Variants in PKD2L2 observed in about 807,000 individuals in gnomAD.
The protein encoded by PKD2L2 is polycystin-2-like protein 2.
Under a neutral mutation model 83.9 loss-of-function variants are expected in PKD2L2, and 67 were observed. The ratio of observed to expected loss-of-function variants is 0.80; its 90% CI spans 0.66 to 0.98. The LOEUF (loss-of-function observed/expected upper bound fraction) is 0.98. Among genes scored for constraint, PKD2L2 ranks in the 50% least tolerant of loss-of-function variants. The pLI is 0.00. For synonymous variants in PKD2L2, 223 were observed against 237.8 expected (o/e 0.94, Z 0.57); for missense variants, 632 against 717.2 (o/e 0.88, Z 1.36).
At chr5:137,938,058 T>G (rs933375330) in intron 14 of PKD2L2, 5 of 152,222 alleles carry the variant, frequency 3.3e-5, no homozygotes, top group Admixed American at 1.3e-4. Context: ...TATATATTAT[T>G]TGTATATAGA....
In PKD2L2 at chr5:137,925,941, A is replaced by C. The variant is rs1759342800; in HGVS notation, c.1671+12A>C. The C allele has an allele frequency of 6.5e-7, 1 of 1,543,454 alleles. No individual in the cohort carries two copies. Among genetic ancestry groups the C allele is most frequent in the African/African-American group, 1.4e-5 (1 of 73,718 alleles). On this transcript the variant is annotated intron_variant, in intron 12 of 14. Coordinates refer to ENST00000508883, the MANE Select transcript of PKD2L2 (RefSeq NM_001300921.2). ...GCTTTGACGAAAATGTAAGATTTTA[A>C]TTTTTTTCATAAACACTAGTGGTAG...
At chr5:137,929,343 C>T (rs1759640908) in intron 12 of PKD2L2, among the ~76,000 whole-genome samples, 2 of 151,558 alleles carry the variant, frequency 1.3e-5, no homozygotes, top group Admixed American at 1.3e-4. Flanking sequence ...TGCCTGTAAT[C>T]CCAGCTACTT....
At chr5:137,938,148 A>T (rs897478565) in intron 14 of PKD2L2, 1 of 152,468 alleles carries the variant, frequency 6.6e-6, no homozygotes, top group African/African-American at 2.4e-5. Flanking sequence ...TATGACACAC[A>T]ATACTGTCAC....
chr5:137,929,549 A>AAC (rs1554110325), intron 12 of PKD2L2, among the ~76,000 whole-genome samples: 4 of 148,004 alleles, frequency 2.7e-5, no homozygotes, highest in Non-Finnish European at 4.5e-5. Flanking sequence ...AAAAAAAAAA[A>AAC]AAAAAAAAAA....
intron 10 of PKD2L2, 40 bp downstream of exon 10, chr5:137,923,561 A>G (rs1250676442): frequency 1.0e-6 from 1 of 968,288 alleles, no homozygotes; most frequent in Non-Finnish European, 1.7e-6. Flanking sequence ...TCTAAGACAA[A>G]CCTCATATAG....
intron 6 of PKD2L2, among the ~76,000 whole-genome samples, chr5:137,906,951 C>T (rs1757420411): frequency 6.6e-6 from 1 of 152,144 alleles, no homozygotes; most frequent in Non-Finnish European, 1.5e-5. Context: ...GAAAGAAACA[C>T]CAAAGACCAT....
At chr5:137,936,247 G>C in intron 13 of PKD2L2, 73 bp from the exon 14 acceptor site, 2 of 1,340,602 alleles carry the variant, frequency 1.5e-6, no homozygotes, top group Non-Finnish European at 2.1e-6. Context: ...AAAGCATTTC[G>C]CACTAGTAAC....
intron 9 of PKD2L2, among the ~76,000 whole-genome samples, chr5:137,922,969 G>A (rs1456764171): frequency 6.6e-6 from 1 of 150,758 alleles, no homozygotes; most frequent in Non-Finnish European, 1.5e-5. Flanking sequence ...GGTTATATGG[G>A]TTACTTTTAA....
intron 4 of PKD2L2, 90 bp downstream of exon 4, chr5:137,894,699 C>T (rs1756285619): frequency 1.0e-6 from 1 of 962,456 alleles, no homozygotes; most frequent in African/African-American, 1.6e-5. Flanking sequence ...CCAGCTGGGT[C>T]CTGGAAGGGT....
At chr5:137,940,758 G>A (rs550922323) in intron 14 of PKD2L2, among the ~76,000 whole-genome samples, 2 of 152,290 alleles carry the variant, frequency 1.3e-5, no homozygotes, top group East Asian at 3.9e-4. Context: ...TCTGCAACAA[G>A]AGTAATTTTC....
At chr5:137,919,762 C>T (rs1336651669) in intron 8 of PKD2L2, among the ~76,000 whole-genome samples, 1 of 152,200 alleles carries the variant, frequency 6.6e-6, no homozygotes, top group African/African-American at 2.4e-5. Context: ...TCAGATAACT[C>T]TGAGTCCTAG....
intron 14 of PKD2L2, chr5:137,942,007 T>C (rs564593715): frequency 5.0e-6 from 8 of 1,614,020 alleles, no homozygotes; most frequent in Non-Finnish European, 6.8e-6. Context: ...TTTCTTTTTT[T>C]CAGCTCTGGC....
chr5:137,932,596 A>C (rs1218726458), intron 12 of PKD2L2, among the ~76,000 whole-genome samples: 1 of 152,124 alleles, frequency 6.6e-6, no homozygotes, highest in Non-Finnish European at 1.5e-5. Context: ...AGGTGGTGTT[A>C]CTAGAACCTA....
At chr5:137,910,448 T>C (rs1391618854) in intron 8 of PKD2L2, among the ~76,000 whole-genome samples, 3 of 151,780 alleles carry the variant, frequency 2.0e-5, no homozygotes, top group Non-Finnish European at 4.4e-5. Context: ...TGTTAGGTTA[T>C]TCAGATCAAT....
chr5:137,930,161 T>A lies in PKD2L2; in HGVS notation c.1671+4232T>A, dbSNP rs372762329. ...GATGATCGTACAGTTGTATATTAAG[T>A]TCTGTACTCTCAGAAAATACCCCTC... is the stretch of plus-strand genomic sequence containing the variant. On this transcript the variant is annotated intron_variant, in intron 12 of 14. Transcript: ENST00000508883. 8.1e-4 allele frequency among the ~76,000 whole-genome samples: 123 copies of A among 152,282 alleles called. 1 individual carries two copies. The highest frequency in any genetic ancestry group is 1.6e-3 in the Non-Finnish European group (111 of 68,020).
At position 137,899,532 on chromosome 5, in the gene PKD2L2, TC is replaced by T; in HGVS notation, c.542del (p.Ser181LeufsTer40). The T allele has an allele frequency of 1.9e-6, 3 of 1,601,330 alleles. No homozygotes were observed. The highest frequency in any genetic ancestry group is 2.6e-6 in the Non-Finnish European group (3 of 1,168,528). ...GTGTAACAGATGGAGATATTCTACT[TC>T]TAATACCAACTCCCCTTGGCACTGG... ...QINTEWRYST[S>X]NTNSPWHWGF... On this transcript the variant is annotated frameshift_variant, in exon 5 of 15. Transcript: ENST00000508883. LOFTEE classifies it high-confidence loss of function.
rs1292572411 is a variant in PKD2L2 at position 137,890,508 on chromosome 5, G to A, written c.59G>A (p.Arg20Lys). 1 of 1,588,696 alleles carries A rather than the reference G, an allele frequency of 6.3e-7. No homozygotes were observed. Among genetic ancestry groups the A allele is most frequent in the Admixed American group, 1.8e-5 (1 of 55,918 alleles). Residue 20 changes from arginine (R) to lysine (K), a missense_variant, in exon 2 of 15, where the codon AGA becomes AAA. Around this residue, in one of 3 missense-constraint regions of PKD2L2, gnomAD observed 229 missense variants for 281.5 expected, o/e 0.81. Transcript: ENST00000508883. ...GCTTCGAAACATAAGTTGCATTACA[G>A]AAAGGAAGTAGAAATTACAACCACA... ...GGASKHKLHY[R>K]KEVEITTTLQ...
At chr5:137,910,247 AATAATAATAAT>A (rs1288434387) in intron 8 of PKD2L2, among the ~76,000 whole-genome samples, 6 of 146,602 alleles carry the variant, frequency 4.1e-5, no homozygotes, top group Non-Finnish European at 9.0e-5. Context: ...TAATAATAAT[AATAATAATAAT>A]AATAATAATA....
chr5:137,897,251 A>G lies in PKD2L2; in HGVS notation c.525-2265A>G, dbSNP rs576174948. Among the ~76,000 whole-genome samples, 3 of 151,342 alleles carry G rather than the reference A, an allele frequency of 2.0e-5. No individual in the cohort carries two copies. The South Asian group carries it at 6.3e-4, about 32-fold the overall frequency. On this transcript the variant is annotated intron_variant, in intron 4 of 14. Coordinates refer to ENST00000508883, the MANE Select transcript of PKD2L2 (RefSeq NM_001300921.2). ...TTTGTGTTTTCTGCAGAAATGGGATATCACCATGTTGCCCAGGCTGGTCTC... is the reference window on the plus strand; with the variant it reads ...TTTGTGTTTTCTGCAGAAATGGGATGTCACCATGTTGCCCAGGCTGGTCTC...
Sources: allele counts gnomAD v4.1 joint callset (sites outside exome capture counted in the v4.1 genomes callset), GRCh38; gene constraint gnomAD v4.1.1; regional missense constraint gnomAD v4.1.1; transcripts MANE v1.5; gene names NCBI Gene and HGNC (gene_info 2026-07-23, HGNC 2026-07-21).